The following BBOX1 variants were observed in gnomAD, a reference collection of about 807,000 sequenced individuals.
The protein encoded by BBOX1 is gamma-butyrobetaine hydroxylase 1, also known as gamma-butyrobetaine dioxygenase.
Under a neutral mutation model 41.6 loss-of-function variants are expected in BBOX1, and 35 were observed. The observed-to-expected ratio is 0.84, with a 90% CI of 0.64 to 1.11. The LOEUF (loss-of-function observed/expected upper bound fraction) is 1.11, where lower values mean the gene tolerates loss of function less well. BBOX1 is among the 50% of genes most tolerant of loss of function. The probability of loss-of-function intolerance (pLI) is 0.00; values close to 1 mark genes in which losing one functional copy is unlikely to be tolerated. For synonymous variants in BBOX1, 163 were observed against 154.7 expected, an observed-to-expected ratio of 1.05 and a Z score of -0.40; for missense variants, 458 against 460.6, an observed-to-expected ratio of 0.99 and a Z score of 0.05.
chr11:27,097,453 CAG>C (rs1197486205), intron 5 of BBOX1, among the ~76,000 whole-genome samples: 2 of 152,132 alleles, frequency 1.3e-5, no homozygotes, highest in East Asian at 3.9e-4. Context: ...GTCAATCAAA[CAG>C]AGTATCTTTC....
chr11:27,049,287 T>C (rs947592094), intron 2 of BBOX1, among the ~76,000 whole-genome samples: 2 of 152,196 alleles, frequency 1.3e-5, no homozygotes, highest in African/African-American at 4.8e-5. Flanking sequence ...TGTGAGATGA[T>C]CTCATGAGGT....
chr11:27,057,387 A>T, intron 4 of BBOX1, 72 bp downstream of exon 4: 1 of 1,265,622 alleles, frequency 7.9e-7, no homozygotes, highest in Non-Finnish European at 1.1e-6. Flanking sequence ...AAATTTGCTC[A>T]CAGAAAATTC....
chr11:27,042,721 C>A (rs1236775319), intron 2 of BBOX1, among the ~76,000 whole-genome samples: 1 of 151,956 alleles, frequency 6.6e-6, no homozygotes, highest in Non-Finnish European at 1.5e-5. Context: ...CTTATTAAAC[C>A]AAGTTTAAAA....
At chr11:27,043,473 A>AGGTTTGG (rs1389634239) in intron 2 of BBOX1, among the ~76,000 whole-genome samples, 4 of 152,146 alleles carry the variant, frequency 2.6e-5, no homozygotes, top group Admixed American at 6.5e-5. Flanking sequence ...CAGAATGTGC[A>AGGTTTGG]GGTATACACA....
At chr11:27,091,153 G>A (rs1858229670) in intron 4 of BBOX1, among the ~76,000 whole-genome samples, 1 of 151,926 alleles carries the variant, frequency 6.6e-6, no homozygotes, top group Admixed American at 6.6e-5. Context: ...CACAATTTAT[G>A]TTCCTCTGCC....
At chr11:27,077,190 T>A (rs940611504) in intron 4 of BBOX1, among the ~76,000 whole-genome samples, 9 of 152,104 alleles carry the variant, frequency 5.9e-5, no homozygotes, top group African/African-American at 2.2e-4. Context: ...CAGACTTCTG[T>A]CAGGTACCCT....
At chr11:27,112,820 C>T (rs1353901955) in intron 5 of BBOX1, among the ~76,000 whole-genome samples, 2 of 151,868 alleles carry the variant, frequency 1.3e-5, no homozygotes, top group Non-Finnish European at 2.9e-5. Context: ...CCTAATTCAA[C>T]TAAAGAGCTT....
intron 4 of BBOX1, among the ~76,000 whole-genome samples, chr11:27,079,903 C>T (rs1454709530): frequency 6.6e-6 from 1 of 152,072 alleles, no homozygotes; most frequent in Non-Finnish European, 1.5e-5. Context: ...GTTATATTTG[C>T]TCTATCATCA....
chr11:27,057,462 G>A (rs369695447), intron 4 of BBOX1, 147 bp downstream of exon 4: 8 of 644,490 alleles, frequency 1.2e-5, no homozygotes, highest in Admixed American at 3.2e-5. Flanking sequence ...AAGTTTTACC[G>A]ACAAATATCA....
chr11:27,080,492 G>A (rs558026293), intron 4 of BBOX1, among the ~76,000 whole-genome samples: 7 of 152,142 alleles, frequency 4.6e-5, no homozygotes, highest in Middle Eastern at 3.4e-3. Context: ...TGTCTGCTAC[G>A]TACTAGGCAC....
chr11:27,113,011 T>C (rs956893087), intron 5 of BBOX1, among the ~76,000 whole-genome samples: 7 of 152,096 alleles, frequency 4.6e-5, no homozygotes, highest in African/African-American at 1.7e-4. Context: ...CAGACACTTT[T>C]CAAAAGAAGA....
At chr11:27,068,655 T>C (rs551004333) in intron 4 of BBOX1, among the ~76,000 whole-genome samples, 23 of 152,276 alleles carry the variant, frequency 1.5e-4, no homozygotes, top group African/African-American at 4.6e-4. Context: ...CATAGGCCAA[T>C]GTCCAGAAGA....
At chr11:27,108,060 A>G (rs1333056628) in intron 5 of BBOX1, among the ~76,000 whole-genome samples, 1 of 152,056 alleles carries the variant, frequency 6.6e-6, no homozygotes, top group East Asian at 1.9e-4. Flanking sequence ...GTGAAGATAG[A>G]CTTTTAGGCT....
chr11:27,112,109 C>T (rs1482294380), intron 5 of BBOX1, among the ~76,000 whole-genome samples: 1 of 151,932 alleles, frequency 6.6e-6, no homozygotes, highest in African/African-American at 2.4e-5. Flanking sequence ...TGAGTATGTA[C>T]TCAATGAAGT....
At chr11:27,120,010 T>C (rs1261111854) in intron 7 of BBOX1, among the ~76,000 whole-genome samples, 165 bp downstream of exon 7, 2 of 142,266 alleles carry the variant, frequency 1.4e-5, no homozygotes, top group Non-Finnish European at 3.2e-5. Flanking sequence ...TAAAAGTTTT[T>C]ATTAAATTAC....
At chr11:27,072,476 C>T (rs1266777076) in intron 4 of BBOX1, among the ~76,000 whole-genome samples, 3 of 152,234 alleles carry the variant, frequency 2.0e-5, no homozygotes, top group African/African-American at 4.8e-5. Context: ...GAATCAATAT[C>T]GTGAAAATGG....
chr11:27,051,127 G>A (rs1030861243), intron 2 of BBOX1, among the ~76,000 whole-genome samples: 6 of 151,922 alleles, frequency 3.9e-5, no homozygotes, highest in Non-Finnish European at 5.9e-5. Context: ...CTAATGTGTT[G>A]TCATATTTAC....
At chr11:27,053,542 G>A (rs1856879259) in intron 2 of BBOX1, among the ~76,000 whole-genome samples, 1 of 152,160 alleles carries the variant, frequency 6.6e-6, no homozygotes, top group Non-Finnish European at 1.5e-5. Flanking sequence ...CTTGACACCG[G>A]TTAAAATGTA....
At chr11:27,078,237 G>C (rs908209891) in intron 4 of BBOX1, among the ~76,000 whole-genome samples, 7 of 152,078 alleles carry the variant, frequency 4.6e-5, no homozygotes, top group African/African-American at 1.7e-4. Context: ...AGGAAAGAAA[G>C]TAAGCCTAGG....
Sources: allele counts gnomAD v4.1 joint callset (sites outside exome capture counted in the v4.1 genomes callset), GRCh38; gene constraint gnomAD v4.1.1; transcripts MANE v1.5; gene names NCBI Gene and HGNC (gene_info 2026-07-23, HGNC 2026-07-21).